Variants in BRCA1 observed in about 807,000 individuals in gnomAD.
BRCA1 encodes the protein breast cancer type 1 susceptibility protein.
BRCA1 carries 140 observed loss-of-function variants against 173.7 expected under a neutral mutation model. That is an observed-to-expected ratio of 0.81 (90% CI 0.70 to 0.93). BRCA1 has a LOEUF of 0.93. BRCA1 is among the 40% of genes least tolerant of loss of function. BRCA1 has a pLI of 0.00. For missense variants in BRCA1, 1,983 were observed against 2,172.5 expected, an observed-to-expected ratio of 0.91 and a Z score of 1.73; for synonymous variants, 662 against 756.0, an observed-to-expected ratio of 0.88 and a Z score of 2.04.
At chr17:43,060,810 A>G (rs550126981) in intron 18 of BRCA1, among the ~76,000 whole-genome samples, 142 of 152,116 alleles carry the variant, frequency 9.3e-4, no homozygotes, top group African/African-American at 3.3e-3. Context: ...CACGACCAAC[A>G]TTGGCCTATC....
chr17:43,119,594 A>C (rs2055456352), intron 2 of BRCA1, among the ~76,000 whole-genome samples: 1 of 152,228 alleles, frequency 6.6e-6, no homozygotes, highest in Non-Finnish European at 1.5e-5. Flanking sequence ...CTTGGGAAAA[A>C]TGCTTCACAA....
At chr17:43,059,571 C>G (rs1431032497) in intron 18 of BRCA1, among the ~76,000 whole-genome samples, 1 of 152,146 alleles carries the variant, frequency 6.6e-6, no homozygotes, top group African/African-American at 2.4e-5. Flanking sequence ...GCCTTTCCCA[C>G]TCCCCCATAT....
chr17:43,104,910 A>C lies in BRCA1; in HGVS notation c.259T>G (p.Leu87Val), dbSNP rs80357091. Residue 87 changes from leucine (L) to valine (V), a missense_variant, in exon 5 of 23, where the codon TTG becomes GTG. Physicochemically the swap from Leu to Val is conservative, Grantham distance 32. Coordinates refer to ENST00000357654, the MANE Select transcript of BRCA1 (RefSeq NM_007294.4). ...AGCTGAAAAGCACAAATGATTTTCA[A>C]TAGCTCTTCAACAAGTTGACTAAAT... ...TRFSQLVEELLKIICAFQLDT... is the reference protein window; with the variant it reads ...TRFSQLVEELVKIICAFQLDT... 1.9e-6 allele frequency: 3 copies of C among 1,614,034 alleles called. No homozygotes were observed.
chr17:43,154,301 T>C (rs1477886572), intron 1 of BRCA1, among the ~76,000 whole-genome samples: 8 of 152,102 alleles, frequency 5.3e-5, no homozygotes, highest in African/African-American at 1.4e-4. Context: ...CTGGCCAACA[T>C]GGTGAAACCC....
chr17:43,095,988 C>T (rs972137244), intron 8 of BRCA1, 66 bp from the exon 9 acceptor site: 3 of 1,324,726 alleles, frequency 2.3e-6, no homozygotes, highest in South Asian at 1.2e-5. Context: ...TGTCAAATGA[C>T]CAAGATCAAA....
At chr17:43,076,270 A>G (rs2052705571) in intron 13 of BRCA1, among the ~76,000 whole-genome samples, 1 of 152,108 alleles carries the variant, frequency 6.6e-6, no homozygotes. Context: ...CAGAAGGGAC[A>G]TATCTATCTA....
chr17:43,147,856 C>T (rs1354836541), intron 1 of BRCA1, among the ~76,000 whole-genome samples: 1 of 152,198 alleles, frequency 6.6e-6, no homozygotes, highest in Admixed American at 6.5e-5. Context: ...TTCCCCAAAG[C>T]CTCCAAGAAG....
At chr17:43,056,697 G>A (rs2051474008) in intron 19 of BRCA1, among the ~76,000 whole-genome samples, 1 of 151,882 alleles carries the variant, frequency 6.6e-6, no homozygotes. Context: ...GAGAGAGAGA[G>A]AGCAAGAGAG....
intron 20 of BRCA1, 44 bp from the exon 21 acceptor site, chr17:43,049,238 T>A (rs971529039): frequency 3.8e-6 from 6 of 1,567,810 alleles, no homozygotes; most frequent in Non-Finnish European, 5.3e-6. Flanking sequence ...GTAATCTGCA[T>A]ACTTAACCCA....
At chr17:43,111,808 C>A (rs780850718) in intron 3 of BRCA1, among the ~76,000 whole-genome samples, 4 of 151,308 alleles carry the variant, frequency 2.6e-5, no homozygotes, top group East Asian at 3.9e-4. Context: ...GGCGACAGAG[C>A]GAGACTCCGT....
chr17:43,083,224 C>T (rs1433928553), intron 11 of BRCA1, among the ~76,000 whole-genome samples: 2 of 151,426 alleles, frequency 1.3e-5, no homozygotes, highest in African/African-American at 2.4e-5. Context: ...GGCACCATCT[C>T]GGCTCACTGC....
intron 2 of BRCA1, among the ~76,000 whole-genome samples, chr17:43,119,999 A>T (rs1312411675): frequency 6.6e-6 from 1 of 152,234 alleles, no homozygotes; most frequent in African/African-American, 2.4e-5. Context: ...GTAAATGTTT[A>T]CTATAAAAAT....
chr17:43,121,168 G>A (rs185348383), intron 2 of BRCA1, among the ~76,000 whole-genome samples: 5 of 152,026 alleles, frequency 3.3e-5, no homozygotes, highest in East Asian at 1.9e-4. Flanking sequence ...AAGGTCAGGA[G>A]ATCGAGACCA....
rs181936042 is a variant in BRCA1 at position 43,098,566 on chromosome 17, C to T, written c.547+1209G>A. 1.7e-3 allele frequency among the ~76,000 whole-genome samples: 260 copies of T among 151,024 alleles called. 3 individuals are homozygous for T. Among genetic ancestry groups the T allele is most frequent in the African/African-American group, 5.7e-3 (234 of 41,104 alleles). ...GTATTTTTAGTAAAGAGGGGTTTCA[C>T]CAGGTTATCCAGGCTGGTCTCGAAC... On this transcript the variant is annotated intron_variant, in intron 7 of 22. Coordinates refer to ENST00000357654, the MANE Select transcript of BRCA1 (RefSeq NM_007294.4).
chr17:43,127,856 C>A (rs575431504), upstream of BRCA1, among the ~76,000 whole-genome samples: 36 of 145,928 alleles, frequency 2.5e-4, no homozygotes, highest in Admixed American at 9.2e-4. Context: ...AACCCCGACT[C>A]TACTAAAAAG....
At position 43,118,212 on chromosome 17, in the gene BRCA1, T is replaced by G. The variant is rs8176092; in HGVS notation, c.81-2433A>C. Among the ~76,000 whole-genome samples the G allele has an allele frequency of 0.32, 48,073 of 151,930 alleles. 7,941 individuals carry two copies. Among genetic ancestry groups the G allele is most frequent in the South Asian group, 0.49 (2,371 of 4,808 alleles). ...AAGAGGGAGCAGAGAAGGCAAACCC[T>G]GAGCAGGACCATGCCTGTGTATGCA... On this transcript the variant is annotated intron_variant, in intron 2 of 22. Coordinates refer to ENST00000357654, the MANE Select transcript of BRCA1 (RefSeq NM_007294.4).
chr17:43,048,226 G>A (rs1038284439), intron 21 of BRCA1, among the ~76,000 whole-genome samples: 3 of 149,738 alleles, frequency 2.0e-5, no homozygotes, highest in East Asian at 2.0e-4. Context: ...TTTTTGAGAC[G>A]GAGTCTCGCT....
chr17:43,106,162 A>G (rs903294675), intron 4 of BRCA1, among the ~76,000 whole-genome samples: 1 of 151,958 alleles, frequency 6.6e-6, no homozygotes, highest in Non-Finnish European at 1.5e-5. Flanking sequence ...CAAAAATATA[A>G]AAACAAGATT....
chr17:43,102,694 C>G (rs943624100), intron 6 of BRCA1, among the ~76,000 whole-genome samples: 1 of 151,522 alleles, frequency 6.6e-6, no homozygotes, highest in Non-Finnish European at 1.5e-5. Flanking sequence ...GCTTTGCCGC[C>G]CACGCTGAAG....
Sources: allele counts gnomAD v4.1 joint callset (sites outside exome capture counted in the v4.1 genomes callset), GRCh38; gene constraint gnomAD v4.1.1; transcripts MANE v1.5; gene names NCBI Gene and HGNC (gene_info 2026-07-23, HGNC 2026-07-21).